SLC23A2: variants seen among roughly 807,000 people sequenced by gnomAD.
SLC23A2 encodes solute carrier family 23 member 2.
In SLC23A2, 36 loss-of-function variants were observed where a neutral mutation model predicts 73.3. The ratio of observed to expected loss-of-function variants is 0.49; its 90% CI spans 0.38 to 0.65. SLC23A2 has a LOEUF of 0.65. Among genes scored for constraint, SLC23A2 ranks in the 30% least tolerant of loss-of-function variants. The pLI is 0.00. For missense variants in SLC23A2, 507 were observed against 841.6 expected, an observed-to-expected ratio of 0.60 and a Z score of 4.92; for synonymous variants, 343 against 327.3, an observed-to-expected ratio of 1.05 and a Z score of -0.52.
At chr20:4,933,617 A>G (rs1378812672) in intron 2 of SLC23A2, among the ~76,000 whole-genome samples, 1 of 152,102 alleles carries the variant, frequency 6.6e-6, no homozygotes, top group East Asian at 1.9e-4. Context: ...TGATAGAGTA[A>G]GTGAAATTCA....
In SLC23A2 at chr20:4,899,480, C is replaced by T. The variant is rs566573481; in HGVS notation, c.482+75G>A. 1.8e-5 allele frequency: 27 copies of T among 1,509,052 alleles called. No homozygotes were observed. The highest frequency in any genetic ancestry group is 1.2e-4 in the African/African-American group (9 of 73,008). The allele number at this position is 1,509,052 out of a possible 1,614,324, so 93.5% of individuals were successfully genotyped here. A position where few individuals can be genotyped will look rare whatever the true frequency, so the allele number is the denominator to read the frequency against. On this transcript the variant is annotated intron_variant, in intron 6 of 16. Coordinates refer to ENST00000338244, the MANE Select transcript of SLC23A2 (RefSeq NM_005116.6). This position sits in a 1 kb window ranked among gnomAD's most constrained non-coding sequence, Gnocchi z 4.9. ...GTCCTTGCCAACAGCCCTAGGCAAA[C>T]GGCGCAGCTCAATGCCTTCTGCGCT... is the stretch of plus-strand genomic sequence containing the variant.
upstream of SLC23A2, chr20:5,001,582 C>T (rs1171851016): frequency 6.7e-6 from 1 of 149,764 alleles, no homozygotes; most frequent in Non-Finnish European, 1.5e-5. Context: ...GGGCCCACCT[C>T]CCTCCCCGCC....
At chr20:4,974,945 C>T (rs1345506508) in intron 1 of SLC23A2, among the ~76,000 whole-genome samples, 1 of 152,026 alleles carries the variant, frequency 6.6e-6, no homozygotes, top group Admixed American at 6.6e-5. Context: ...CACCACCACA[C>T]CTGGCTAATT....
intron 6 of SLC23A2, among the ~76,000 whole-genome samples, chr20:4,891,118 G>A (rs1271018903): frequency 1.3e-5 from 2 of 151,566 alleles, no homozygotes; most frequent in Non-Finnish European, 2.9e-5. Context: ...CTTTTGCCAG[G>A]GCAGTCACCT....
Position 4,974,913 on chromosome 20 carries a change from G to A in SLC23A2, c.-281-3994C>T, listed in dbSNP as rs371745037. 2.9e-4 allele frequency among the ~76,000 whole-genome samples: 44 copies of A among 151,910 alleles called. 2 individuals are homozygous for A. In the East Asian group the frequency reaches 4.5e-3, roughly 15 times the overall value. On this transcript the variant is annotated intron_variant, in intron 1 of 16. Transcript: ENST00000338244. ...AGCGATTCTCCTGCCTCAGCCTCCC[G>A]AGTAGCTGGGATTGCAGGGCCCACC...
intron 1 of SLC23A2, among the ~76,000 whole-genome samples, chr20:4,988,504 G>C (rs1232314207): frequency 6.6e-6 from 1 of 152,002 alleles, no homozygotes; most frequent in Admixed American, 6.6e-5. Flanking sequence ...TTGGGGGGTT[G>C]AGGCAGGTGG....
chr20:4,967,559 C>T (rs1410164875), intron 2 of SLC23A2, among the ~76,000 whole-genome samples: 1 of 152,176 alleles, frequency 6.6e-6, no homozygotes, highest in Non-Finnish European at 1.5e-5. Context: ...ATTTAATTCT[C>T]TTTGCTACTG....
At chr20:4,932,366 A>T (rs1932799149) in intron 3 of SLC23A2, 89 bp downstream of exon 3, 1 of 815,406 alleles carries the variant, frequency 1.2e-6, no homozygotes. Context: ...CTTCACTGAA[A>T]ACATGAGCAT....
At chr20:4,934,734 G>C (rs2086933871) in intron 2 of SLC23A2, among the ~76,000 whole-genome samples, 1 of 152,054 alleles carries the variant, frequency 6.6e-6, no homozygotes, top group Admixed American at 6.6e-5. Context: ...GTGGTGGCAG[G>C]CGCCTGTAAT....
chr20:4,896,556 T>C (rs1218103757), intron 6 of SLC23A2, among the ~76,000 whole-genome samples: 2 of 152,094 alleles, frequency 1.3e-5, no homozygotes, highest in East Asian at 1.9e-4. Context: ...ATGAAGCACA[T>C]TCCATTCCGT....
rs1366096116 is a variant in SLC23A2 at position 4,857,875 on chromosome 20, G to A, written c.1721-671C>T. Among the ~76,000 whole-genome samples the A allele has an allele frequency of 3.3e-5, 5 of 152,158 alleles. No individual in the cohort carries two copies. The highest frequency in any genetic ancestry group is 7.3e-5 in the Non-Finnish European group (5 of 68,032). On this transcript the variant is annotated intron_variant, in intron 16 of 16. Coordinates refer to ENST00000338244, the MANE Select transcript of SLC23A2 (RefSeq NM_005116.6). The surrounding 1 kb of genome is among the most constrained non-coding windows in gnomAD (Gnocchi z 4.0). ...GAACCCGAGAGGCAGAGACTGCAGT[G>A]AGCTGAGATCATGCCATTGCACTCT...
chr20:4,876,527 G>A (rs1026602294), intron 9 of SLC23A2, among the ~76,000 whole-genome samples: 2 of 152,154 alleles, frequency 1.3e-5, no homozygotes, highest in African/African-American at 2.4e-5. Context: ...GTGCAGACCC[G>A]CCCATGTCCA....
chr20:4,869,602 T>G, intron 12 of SLC23A2: 1 of 296,422 alleles, frequency 3.4e-6, no homozygotes, highest in Non-Finnish European at 6.3e-6. Context: ...TGGCATGTGG[T>G]TTTTGAATTT....
intron 3 of SLC23A2, among the ~76,000 whole-genome samples, chr20:4,926,083 T>C (rs1231571616): frequency 2.6e-5 from 4 of 152,236 alleles, no homozygotes; most frequent in African/African-American, 4.8e-5. Context: ...TTACATGTTC[T>C]GAAGAACACA....
chr20:4,870,094 G>A (rs1930382983), intron 11 of SLC23A2, 41 bp from the exon 12 acceptor site: 2 of 1,530,496 alleles, frequency 1.3e-6, no homozygotes, highest in Non-Finnish European at 1.8e-6. Flanking sequence ...TAGAGAGGCA[G>A]GCGAAAGTGA....
chr20:4,912,818 G>A (rs1216230829), intron 4 of SLC23A2, 62 bp downstream of exon 4: 3 of 1,054,644 alleles, frequency 2.8e-6, no homozygotes, highest in African/African-American at 1.6e-5. Flanking sequence ...TCCAGATCCG[G>A]GGCAGCACTT....
Position 4,991,758 on chromosome 20 carries a change from ACACAC to A in SLC23A2, c.-282+9643_-282+9647del, listed in dbSNP as rs1206019652. ...CACACACACACACACACACACACAC[ACACAC>A]AAAAGTAATCTATAGACCACATATT... is the stretch of plus-strand genomic sequence containing the variant. On this transcript the variant is annotated intron_variant, in intron 1 of 16. Coordinates refer to ENST00000338244, the MANE Select transcript of SLC23A2 (RefSeq NM_005116.6). Among the ~76,000 whole-genome samples the A allele has an allele frequency of 4.6e-5, 7 of 151,216 alleles. No individual in the cohort carries two copies. The East Asian group carries it at 1.4e-3, about 29-fold the overall frequency.
intron 4 of SLC23A2, among the ~76,000 whole-genome samples, chr20:4,912,429 A>G (rs1425090372): frequency 2.0e-5 from 3 of 152,044 alleles, no homozygotes; most frequent in Non-Finnish European, 4.4e-5. Context: ...ATAACTTCAC[A>G]TATCATTTCA....
chr20:4,890,503 A>G (rs775914759), intron 6 of SLC23A2, among the ~76,000 whole-genome samples: 1 of 151,908 alleles, frequency 6.6e-6, no homozygotes, highest in Non-Finnish European at 1.5e-5. Context: ...AAACACAAAA[A>G]CTAGCCAGGC....
Sources: gnomAD v4.1 joint callset for allele counts (sites outside exome capture counted in the v4.1 genomes callset) on GRCh38, gnomAD v4.1.1 for gene constraint, Gnocchi (gnomAD v3.1) non-coding constraint, MANE v1.5 for transcripts, NCBI Gene and HGNC (gene_info 2026-07-23, HGNC 2026-07-21) for gene names.